Variants in DLGAP1 observed in about 807,000 individuals in gnomAD.
The protein encoded by DLGAP1 is disks large-associated protein 1.
DLGAP1 carries 11 observed loss-of-function variants against 90.8 expected under a neutral mutation model. The observed-to-expected ratio is 0.12, with a 90% confidence interval of 0.08 to 0.20. The LOEUF (loss-of-function observed/expected upper bound fraction) is 0.20, where lower values mean the gene tolerates loss of function less well. DLGAP1 is among the 10% of genes least tolerant of loss of function. The probability of loss-of-function intolerance (pLI) is 1.00; values close to 1 mark genes in which losing one functional copy is unlikely to be tolerated. For synonymous variants in DLGAP1, 558 were observed against 540.7 expected (o/e 1.03, Z -0.44); for missense variants, 1,050 against 1,333.8 (o/e 0.79, Z 3.31).
intron 5 of DLGAP1, among the ~76,000 whole-genome samples, chr18:3,749,152 T>TC (rs2063392854): frequency 1.4e-5 from 2 of 143,622 alleles, no homozygotes; most frequent in African/African-American, 5.2e-5. Context: ...CTTCTTCTTT[T>TC]TTTTTTTTTT....
At chr18:3,968,308 C>T (rs2073371717) in intron 3 of DLGAP1, among the ~76,000 whole-genome samples, 2 of 152,162 alleles carry the variant, frequency 1.3e-5, no homozygotes, top group Non-Finnish European at 2.9e-5. Context: ...CCCAATTTCA[C>T]ATCATTTTTA....
intron 2 of DLGAP1, among the ~76,000 whole-genome samples, chr18:4,094,497 T>C (rs2075639495): frequency 1.3e-5 from 2 of 152,112 alleles, no homozygotes; most frequent in Non-Finnish European, 1.5e-5. Context: ...TCATGTATAT[T>C]GTTTTCTGTA....
chr18:3,538,272 G>A (rs750564644), intron 9 of DLGAP1, among the ~76,000 whole-genome samples: 1 of 150,980 alleles, frequency 6.6e-6, no homozygotes, highest in Non-Finnish European at 1.5e-5. Flanking sequence ...ATTTTACGAA[G>A]ATAAACTAGC....
chr18:3,984,755 C>A (rs549161616), intron 3 of DLGAP1, among the ~76,000 whole-genome samples: 1 of 152,166 alleles, frequency 6.6e-6, no homozygotes, highest in South Asian at 2.1e-4. Flanking sequence ...CCTAGTCCTA[C>A]CTTGTTGCAT....
chr18:3,904,167 C>A (rs1198510641), intron 3 of DLGAP1, among the ~76,000 whole-genome samples: 5 of 152,182 alleles, frequency 3.3e-5, no homozygotes, highest in Non-Finnish European at 7.3e-5. Context: ...CCTAAGTAAC[C>A]AATGGCTGTG....
chr18:3,516,924 G>A (rs1275816426), intron 10 of DLGAP1, among the ~76,000 whole-genome samples: 5 of 152,194 alleles, frequency 3.3e-5, no homozygotes, highest in Non-Finnish European at 5.9e-5. Flanking sequence ...ATGTTTGCAG[G>A]CATGAAAACA....
intron 1 of DLGAP1, among the ~76,000 whole-genome samples, chr18:4,226,768 A>G (rs1308224283): frequency 6.6e-6 from 1 of 151,708 alleles, no homozygotes; most frequent in Admixed American, 6.6e-5. Flanking sequence ...CCTTCACTAA[A>G]AGGAAGCCAG....
At chr18:4,192,872 T>A (rs1272783338) in intron 1 of DLGAP1, among the ~76,000 whole-genome samples, 2 of 152,156 alleles carry the variant, frequency 1.3e-5, no homozygotes, top group African/African-American at 4.8e-5. Context: ...CAGAAGTTGT[T>A]CACGTTGGAA....
intron 9 of DLGAP1, among the ~76,000 whole-genome samples, chr18:3,567,070 A>ATCATTCATTCATTCAT (rs57674058): frequency 1.1e-4 from 16 of 151,036 alleles, no homozygotes; most frequent in African/African-American, 1.9e-4. Context: ...TCATTCATTC[A>ATCATTCATTCATTCAT]TCATTCATTC....
chr18:3,847,859 A>G (rs1000286674), intron 4 of DLGAP1, among the ~76,000 whole-genome samples: 2 of 152,180 alleles, frequency 1.3e-5, no homozygotes, highest in Non-Finnish European at 1.5e-5. Context: ...TGAATTTTAA[A>G]AAGAGACAAG....
chr18:3,601,366 G>A (rs937175550), intron 7 of DLGAP1, among the ~76,000 whole-genome samples: 1 of 152,024 alleles, frequency 6.6e-6, no homozygotes, highest in Non-Finnish European at 1.5e-5. Flanking sequence ...GTTTACAGGT[G>A]TGAGCCACTG....
intron 4 of DLGAP1, among the ~76,000 whole-genome samples, chr18:3,854,238 A>G (rs1387512801): frequency 6.6e-6 from 1 of 152,224 alleles, no homozygotes; most frequent in Non-Finnish European, 1.5e-5. Context: ...TTTCATGAAA[A>G]AGAACAGGAC....
At chr18:3,740,740 G>A (rs932106536) in intron 6 of DLGAP1, among the ~76,000 whole-genome samples, 3 of 148,692 alleles carry the variant, frequency 2.0e-5, no homozygotes, top group South Asian at 2.2e-4. Context: ...TCACAATCAC[G>A]ACCACCACCA....
chr18:3,944,338 A>G (rs1299166869), intron 3 of DLGAP1, among the ~76,000 whole-genome samples: 1 of 152,164 alleles, frequency 6.6e-6, no homozygotes, highest in East Asian at 1.9e-4. Flanking sequence ...TCTACTAAAA[A>G]TACAAAAATT....
At chr18:4,264,308 T>C (rs1276884939) in intron 1 of DLGAP1, among the ~76,000 whole-genome samples, 1 of 152,204 alleles carries the variant, frequency 6.6e-6, no homozygotes, top group Non-Finnish European at 1.5e-5. Context: ...AGCCAGCAGA[T>C]GTATGTGCTA....
chr18:4,209,642 C>T (rs1030938574), intron 1 of DLGAP1, among the ~76,000 whole-genome samples: 2 of 152,118 alleles, frequency 1.3e-5, no homozygotes, highest in Admixed American at 6.6e-5. Context: ...GGAACAAGAA[C>T]ATGTATAAAC....
rs763961558 is a variant in DLGAP1 at position 3,508,703 on chromosome 18, C to T, written c.2480-42G>A. On this transcript the variant is annotated intron_variant, in intron 10 of 12. Transcript: ENST00000315677. ...TACGAGAAATTTACACATCATGCTT[C>T]ATTGTTGAGATTTAGTCTGGTAAAG... The T allele has an allele frequency of 9.3e-6, 14 of 1,503,266 alleles. No homozygotes were observed. In the South Asian group the frequency reaches 1.4e-4, roughly 15 times the overall value. The allele number at this position is 1,503,266 out of a possible 1,614,324, so 93.1% of individuals were successfully genotyped here. A position where few individuals can be genotyped will look rare whatever the true frequency, so the allele number is the denominator to read the frequency against.
chr18:3,805,256 T>C (rs1054654139), intron 5 of DLGAP1, among the ~76,000 whole-genome samples: 4 of 152,330 alleles, frequency 2.6e-5, no homozygotes, highest in African/African-American at 4.8e-5. Flanking sequence ...TTACTTCCCA[T>C]ACAAGTGTTC....
intron 2 of DLGAP1, among the ~76,000 whole-genome samples, chr18:4,092,921 G>A (rs1598389804): frequency 6.6e-6 from 1 of 152,266 alleles, no homozygotes; most frequent in East Asian, 1.9e-4. Context: ...AAAAGGTTTA[G>A]CTGATTTCTT....
Sources: allele counts gnomAD v4.1 joint callset (sites outside exome capture counted in the v4.1 genomes callset), GRCh38; gene constraint gnomAD v4.1.1; transcripts MANE v1.5; gene names NCBI Gene and HGNC (gene_info 2026-07-23, HGNC 2026-07-21).